Variants in BCKDHB observed in about 807,000 individuals in gnomAD.
BCKDHB encodes 2-oxoisovalerate dehydrogenase subunit beta, mitochondrial.
A neutral mutation model predicts 48.5 loss-of-function variants in BCKDHB; 41 were observed. The observed-to-expected ratio is 0.85, with a 90% CI of 0.66 to 1.10. The LOEUF is 1.10. Ranked by LOEUF, BCKDHB falls within the 50% of genes least tolerant of loss-of-function variation. The probability of loss-of-function intolerance (pLI) is 0.00; values close to 1 mark genes in which losing one functional copy is unlikely to be tolerated. For synonymous variants in BCKDHB, 201 were observed against 174.8 expected, an observed-to-expected ratio of 1.15 and a Z score of -1.18; for missense variants, 496 against 494.2, an observed-to-expected ratio of 1.00 and a Z score of -0.03.
chr6:80,125,953 C>T (rs903620514), intron 1 of BCKDHB, among the ~76,000 whole-genome samples: 7 of 152,212 alleles, frequency 4.6e-5, no homozygotes, highest in African/African-American at 1.4e-4. Context: ...GTAAAAATTG[C>T]AATATCTGTA....
intron 9 of BCKDHB, among the ~76,000 whole-genome samples, chr6:80,312,738 A>T (rs1768232291): frequency 1.3e-5 from 2 of 152,146 alleles, no homozygotes; most frequent in Non-Finnish European, 2.9e-5. Flanking sequence ...ACATATATTG[A>T]TTTGCATATG....
At chr6:80,449,536 A>G in the BCKDHB span, among the ~76,000 whole-genome samples, 1 of 152,226 alleles carries the variant, frequency 6.6e-6, no homozygotes, top group Admixed American at 6.5e-5. Context: ...TGTCGAGGAG[A>G]CGTTAACTTG....
chr6:80,330,567 G>A (rs1325386019), intron 9 of BCKDHB, among the ~76,000 whole-genome samples: 1 of 152,170 alleles, frequency 6.6e-6, no homozygotes, highest in Non-Finnish European at 1.5e-5. Flanking sequence ...CCACTTAAGA[G>A]ATTTAGCTGT....
chr6:80,465,733 T>A, the BCKDHB span: 2 of 152,256 alleles, frequency 1.3e-5, no homozygotes, highest in Non-Finnish European at 2.9e-5. Context: ...TAAATAAATC[T>A]GTTTGCTTTT....
intron 8 of BCKDHB, among the ~76,000 whole-genome samples, chr6:80,266,503 A>G (rs1407932109): frequency 6.6e-6 from 1 of 152,064 alleles, no homozygotes; most frequent in Non-Finnish European, 1.5e-5. Context: ...CTTTGCCGCC[A>G]TTGTGACCTT....
the BCKDHB span, among the ~76,000 whole-genome samples, chr6:80,455,055 C>T: frequency 1.3e-5 from 2 of 152,124 alleles, no homozygotes; most frequent in Non-Finnish European, 2.9e-5. Context: ...CCATTCCGGC[C>T]TCCTCTCCCA....
At chr6:80,329,801 G>T (rs1270681312) in intron 9 of BCKDHB, among the ~76,000 whole-genome samples, 1 of 152,086 alleles carries the variant, frequency 6.6e-6, no homozygotes, top group Non-Finnish European at 1.5e-5. Flanking sequence ...CCTTTCCTGA[G>T]CATACTGTGC....
chr6:80,306,446 G>A lies in BCKDHB; in HGVS notation c.1038+33225G>A, dbSNP rs79626844. ...AGTACAGTCTAAACATAAAAAAAGG[G>A]TGCCTGAGTGAACCTAAGCAAATCA... On this transcript the variant is annotated intron_variant, in intron 9 of 9. Coordinates refer to ENST00000320393, the MANE Select transcript of BCKDHB (RefSeq NM_183050.4). Among the ~76,000 whole-genome samples the A allele has an allele frequency of 9.3e-3, 1,414 of 152,194 alleles. 29 individuals carry two copies. Among genetic ancestry groups the A allele is most frequent in the African/African-American group, 0.032 (1,345 of 41,532 alleles).
chr6:80,261,381 C>T (rs1341631285), intron 8 of BCKDHB, among the ~76,000 whole-genome samples: 2 of 151,952 alleles, frequency 1.3e-5, no homozygotes, highest in African/African-American at 4.8e-5. Flanking sequence ...ATCCTCACTG[C>T]CAGTCTGTGG....
chr6:80,332,060 C>T (rs1362827213), intron 9 of BCKDHB, among the ~76,000 whole-genome samples: 2 of 152,130 alleles, frequency 1.3e-5, no homozygotes, highest in African/African-American at 2.4e-5. Flanking sequence ...CTGTGCTTCG[C>T]AGGGATGACT....
intron 9 of BCKDHB, among the ~76,000 whole-genome samples, chr6:80,274,888 G>A (rs546843344): frequency 6.6e-6 from 1 of 151,866 alleles, no homozygotes; most frequent in East Asian, 1.9e-4. Flanking sequence ...ATGTCTCTCA[G>A]GCCCCAAGAA....
At chr6:80,369,612 C>A in the BCKDHB span, among the ~76,000 whole-genome samples, 441 of 152,284 alleles carry the variant, frequency 2.9e-3, 2 homozygotes, top group African/African-American at 0.01. Flanking sequence ...TGCCTTCTTG[C>A]CTGACTATGG....
intron 6 of BCKDHB, among the ~76,000 whole-genome samples, chr6:80,189,619 T>C (rs558939660): frequency 1.9e-4 from 29 of 152,248 alleles, no homozygotes; most frequent in African/African-American, 7.0e-4. Context: ...TATAACTGTG[T>C]GTTGAGCATA....
At chr6:80,169,821 T>C (rs1772804250) in intron 5 of BCKDHB, 1 of 1,609,022 alleles carries the variant, frequency 6.2e-7, no homozygotes, top group African/African-American at 1.3e-5. Context: ...ATCAAAGTTA[T>C]AAGCTTATCT....
intron 3 of BCKDHB, among the ~76,000 whole-genome samples, chr6:80,163,668 A>C (rs948479634): frequency 2.0e-5 from 3 of 152,062 alleles, no homozygotes; most frequent in Admixed American, 6.5e-5. Flanking sequence ...AAGACTTCCA[A>C]CTTATATCCA....
At chr6:80,128,839 C>A (rs990168956) in intron 2 of BCKDHB, among the ~76,000 whole-genome samples, 1 of 151,496 alleles carries the variant, frequency 6.6e-6, no homozygotes, top group African/African-American at 2.4e-5. Flanking sequence ...TTACATTTAA[C>A]AATGTAAGTG....
chr6:80,449,671 G>A, the BCKDHB span, among the ~76,000 whole-genome samples: 8 of 151,980 alleles, frequency 5.3e-5, no homozygotes, highest in South Asian at 4.2e-4. Context: ...ACATCATATC[G>A]AGGGTCATCA....
the BCKDHB span, among the ~76,000 whole-genome samples, chr6:80,442,767 C>T: frequency 6.6e-6 from 1 of 152,074 alleles, no homozygotes; most frequent in Non-Finnish European, 1.5e-5. Context: ...ATTCCAAGAA[C>T]CAGGAAGCTT....
At chr6:80,318,802 C>A (rs1230307423) in intron 9 of BCKDHB, among the ~76,000 whole-genome samples, 1 of 150,898 alleles carries the variant, frequency 6.6e-6, no homozygotes, top group Admixed American at 6.6e-5. Context: ...TCATTTACAT[C>A]ATATTATGTA....
Sources: gnomAD v4.1 joint callset for allele counts (sites outside exome capture counted in the v4.1 genomes callset) on GRCh38, gnomAD v4.1.1 for gene constraint, MANE v1.5 for transcripts, NCBI Gene and HGNC (gene_info 2026-07-23, HGNC 2026-07-21) for gene names.